The following NAALADL2 variants were observed in gnomAD, a reference collection of about 807,000 sequenced individuals.
NAALADL2 encodes N-acetylated alpha-linked acidic dipeptidase like 2.
In NAALADL2, 76 loss-of-function variants were observed where a neutral mutation model predicts 87.2. The ratio of observed to expected loss-of-function variants is 0.87; its 90% CI spans 0.72 to 1.05. NAALADL2 has a LOEUF of 1.05. NAALADL2 is among the 50% of genes least tolerant of loss of function. NAALADL2 has a pLI of 0.00. For missense variants in NAALADL2, 1,089 were observed against 945.8 expected (o/e 1.15, Z -1.99); for synonymous variants, 354 against 331.0 (o/e 1.07, Z -0.75).
In NAALADL2 at chr3:175,803,245, A is replaced by G. The variant is rs1353226641; in HGVS notation, c.*42A>G. The G allele has an allele frequency of 4.1e-6, 6 of 1,448,388 alleles. No individual in the cohort carries two copies. Among genetic ancestry groups the G allele is most frequent in the Non-Finnish European group, 5.6e-6 (6 of 1,066,618 alleles). The allele number at this position is 1,448,388 out of a possible 1,614,324, so 89.7% of individuals were successfully genotyped here. A position where few individuals can be genotyped will look rare whatever the true frequency, so the allele number is the denominator to read the frequency against. On this transcript the variant is annotated 3_prime_UTR_variant, in exon 14 of 14. Transcript: ENST00000454872. ...TTTAAAAGTTTGTTTACAATTCCACAAGCAAAAGCTCTAATTTAACCAGAT... is the reference window on the plus strand; with the variant it reads ...TTTAAAAGTTTGTTTACAATTCCACGAGCAAAAGCTCTAATTTAACCAGAT...
chr3:175,338,846 T>C, intron 5 of NAALADL2, among the ~76,000 whole-genome samples: 1 of 152,186 alleles, frequency 6.6e-6, no homozygotes, highest in Admixed American at 6.5e-5. Context: ...TCAAGTCAAG[T>C]GAGGTGAAGA....
chr3:174,753,540 A>G (rs1308684558), intron 3 of NAALADL2, among the ~76,000 whole-genome samples: 1 of 152,164 alleles, frequency 6.6e-6, no homozygotes, highest in African/African-American at 2.4e-5. Flanking sequence ...CCAATATTGC[A>G]TCTCAAGATC....
chr3:174,697,661 T>G (rs374359502), intron 2 of NAALADL2, among the ~76,000 whole-genome samples: 1 of 152,202 alleles, frequency 6.6e-6, no homozygotes, highest in African/African-American at 2.4e-5. Flanking sequence ...TTAAATTGTT[T>G]CAGTGACTCC....
At chr3:175,135,617 C>G (rs1376732834) in intron 2 of NAALADL2, among the ~76,000 whole-genome samples, 1 of 151,974 alleles carries the variant, frequency 6.6e-6, no homozygotes, top group African/African-American at 2.4e-5. Flanking sequence ...AACCTAAAGT[C>G]AAATTGTAAC....
intron 3 of NAALADL2, among the ~76,000 whole-genome samples, chr3:174,828,167 C>CACA (rs1722209098): frequency 6.6e-6 from 1 of 151,576 alleles, no homozygotes; most frequent in African/African-American, 2.4e-5. Context: ...AAACCAACCA[C>CACA]ACACAACACA....
At chr3:174,544,140 C>T (rs2108473901) in intron 1 of NAALADL2, among the ~76,000 whole-genome samples, 1 of 152,288 alleles carries the variant, frequency 6.6e-6, no homozygotes, top group African/African-American at 2.4e-5. Context: ...CCATTTCCAA[C>T]TGTTCCAGTT....
At chr3:174,878,899 C>A (rs1392597884) in intron 1 of NAALADL2, among the ~76,000 whole-genome samples, 1 of 152,000 alleles carries the variant, frequency 6.6e-6, no homozygotes, top group Non-Finnish European at 1.5e-5. Flanking sequence ...AGAAGAGGAC[C>A]CAATATGCCG....
At chr3:175,340,450 C>T (rs139932484) in intron 5 of NAALADL2, among the ~76,000 whole-genome samples, 4 of 152,128 alleles carry the variant, frequency 2.6e-5, no homozygotes, top group South Asian at 2.1e-4. Flanking sequence ...GGATAGGAGC[C>T]CTCGATTGCT....
chr3:174,658,810 C>A (rs1389357154), intron 2 of NAALADL2, among the ~76,000 whole-genome samples: 3 of 152,048 alleles, frequency 2.0e-5, no homozygotes, highest in Non-Finnish European at 4.4e-5. Context: ...TCTACTGGTA[C>A]AAAAGAAATG....
chr3:175,471,799 C>T lies in NAALADL2; in HGVS notation c.1653+41C>T, dbSNP rs202213037. The T allele has an allele frequency of 5.9e-5, 90 of 1,518,014 alleles. No individual in the cohort carries two copies. In the Middle Eastern group the frequency reaches 3.6e-3, roughly 61 times the overall value. The allele number at this position is 1,518,014 out of a possible 1,614,324, so 94.0% of individuals were successfully genotyped here. A position where few individuals can be genotyped will look rare whatever the true frequency, so the allele number is the denominator to read the frequency against. Reference sequence around the variant, plus strand: ...ATTGTATCAAATGATTATGCAAAACCGACCTTTTCTCTATATTTTGACATT... The same window carrying T: ...ATTGTATCAAATGATTATGCAAAACTGACCTTTTCTCTATATTTTGACATT... On this transcript the variant is annotated intron_variant, in intron 9 of 13. Transcript: ENST00000454872.
intron 2 of NAALADL2, among the ~76,000 whole-genome samples, chr3:175,162,217 C>G (rs149128080): frequency 8.7e-4 from 132 of 152,170 alleles, no homozygotes; most frequent in African/African-American, 3.0e-3. Flanking sequence ...ATCATATTAC[C>G]TATCCCCATC....
chr3:175,488,801 C>A (rs1287613524), intron 9 of NAALADL2, among the ~76,000 whole-genome samples: 2 of 152,200 alleles, frequency 1.3e-5, no homozygotes, highest in East Asian at 1.9e-4. Context: ...ACCAGAATCC[C>A]TTCCAGGACA....
intron 2 of NAALADL2, among the ~76,000 whole-genome samples, chr3:174,713,716 G>A (rs1283709117): frequency 1.3e-5 from 2 of 151,612 alleles, no homozygotes; most frequent in Non-Finnish European, 3.0e-5. Context: ...TGTCAGATGA[G>A]TAGATTGCAA....
chr3:174,858,147 A>G (rs1003394122), upstream of NAALADL2, among the ~76,000 whole-genome samples: 3 of 148,156 alleles, frequency 2.0e-5, no homozygotes, highest in African/African-American at 7.3e-5. Context: ...TGAATATAAT[A>G]ATATGTAATT....
chr3:174,917,878 T>A (rs1734620360), intron 1 of NAALADL2, among the ~76,000 whole-genome samples: 2 of 152,220 alleles, frequency 1.3e-5, no homozygotes, highest in South Asian at 2.1e-4. Context: ...CTAATTTTCG[T>A]CATAATTTTC....
chr3:174,873,533 A>G (rs148489128), intron 1 of NAALADL2, among the ~76,000 whole-genome samples: 1,539 of 152,176 alleles, frequency 0.01, 14 homozygotes, highest in South Asian at 0.028. Context: ...GATTACAGAC[A>G]TGAGCCACCA....
chr3:175,162,220 T>C (rs1361364497), intron 2 of NAALADL2, among the ~76,000 whole-genome samples: 1 of 152,148 alleles, frequency 6.6e-6, no homozygotes, highest in African/African-American at 2.4e-5. Flanking sequence ...ATATTACCTA[T>C]CCCCATCAAT....
rs976400493 is a variant in NAALADL2 at position 175,806,915 on chromosome 3, T to G, written c.*3712T>G. 1 of 151,704 alleles carries G rather than the reference T, an allele frequency of 6.6e-6. No individual in the cohort carries two copies. Among genetic ancestry groups the G allele is most frequent in the Non-Finnish European group, 1.5e-5 (1 of 67,824 alleles). The allele number at this position is 151,704 out of a possible 1,614,324, so 9.4% of individuals were successfully genotyped here. ...TGAGATAATTGAAAATGTTAACATA[T>G]TTCTCCAAAACTGATCAGACTGTGG... On this transcript the variant is annotated 3_prime_UTR_variant, in exon 14 of 14. Transcript: ENST00000454872.
intron 10 of NAALADL2, among the ~76,000 whole-genome samples, chr3:175,626,179 C>G (rs1191083455): frequency 1.3e-5 from 2 of 151,850 alleles, no homozygotes; most frequent in African/African-American, 4.8e-5. Flanking sequence ...GTCTTTGTTT[C>G]TATTGGTTCA....
Sources: gnomAD v4.1 joint callset for allele counts (sites outside exome capture counted in the v4.1 genomes callset) on GRCh38, gnomAD v4.1.1 for gene constraint, MANE v1.5 for transcripts, NCBI Gene and HGNC (gene_info 2026-07-23, HGNC 2026-07-21) for gene names.